The following FARP1 variants were observed in gnomAD, a reference collection of about 807,000 sequenced individuals.
The protein encoded by FARP1 is FERM, ARHGEF and pleckstrin domain-containing protein 1.
In FARP1, 52 loss-of-function variants were observed where a neutral mutation model predicts 128.8. The observed-to-expected ratio is 0.40, with a 90% CI of 0.32 to 0.51. FARP1 has a LOEUF of 0.51. Ranked by LOEUF, FARP1 falls within the 20% of genes least tolerant of loss-of-function variation. The pLI, the probability that FARP1 is intolerant of heterozygous loss-of-function variation, is 0.45. For synonymous variants in FARP1, 580 were observed against 551.8 expected (o/e 1.05, Z -0.72); for missense variants, 1,333 against 1,367.9 (o/e 0.97, Z 0.40).
At chr13:98,446,918 T>A (rs1392491494) in intron 26 of FARP1, 101 bp downstream of exon 26, 1 of 1,282,904 alleles carries the variant, frequency 7.8e-7, no homozygotes, top group Non-Finnish European at 1.1e-6. Context: ...GCCCCACCCT[T>A]CCCTGCCAAC....
chr13:98,235,910 G>A (rs1262162242), intron 2 of FARP1, among the ~76,000 whole-genome samples: 5 of 139,366 alleles, frequency 3.6e-5, no homozygotes, highest in African/African-American at 1.4e-4. Context: ...GGCAACCTCC[G>A]CCTCCTGGGT....
At position 98,343,641 on chromosome 13, in the gene FARP1, C is replaced by T. The variant is rs368353488; in HGVS notation, c.172-121C>T. The T allele has an allele frequency of 2.6e-4, 187 of 709,478 alleles. No homozygotes were observed. In the African/African-American group the frequency reaches 3.0e-3, roughly 11 times the overall value. 43.9% of individuals were successfully genotyped at this position (709,478 alleles called of 1,614,324 possible). ...GCGTTCAGGGTGTCACGGAGGTGGG[C>T]GGTGGCAAGCTCTGAAGGACCTGCA... is the stretch of plus-strand genomic sequence containing the variant. On this transcript the variant is annotated intron_variant, in intron 2 of 26. Coordinates refer to ENST00000319562, the MANE Select transcript of FARP1 (RefSeq NM_005766.4).
chr13:98,430,776 T>C lies in FARP1; in HGVS notation c.1906-267T>C, dbSNP rs550111258. Among the ~76,000 whole-genome samples the C allele has an allele frequency of 2.6e-5, 4 of 152,354 alleles. No homozygotes were observed. The South Asian group carries it at 8.3e-4, about 32-fold the overall frequency. ...TCAATTTTAAAGGAACATTTATACC[T>C]CTGATGTTATATACATAGCTTATAT... On this transcript the variant is annotated intron_variant, in intron 17 of 26. Coordinates refer to ENST00000319562, the MANE Select transcript of FARP1 (RefSeq NM_005766.4).
chr13:98,169,058 A>T (rs963644660), intron 1 of FARP1, among the ~76,000 whole-genome samples: 1 of 151,918 alleles, frequency 6.6e-6, no homozygotes, highest in African/African-American at 2.4e-5. Flanking sequence ...TTCATTTTTT[A>T]AAATTTGTTT....
chr13:98,374,933 G>A (rs945649674), intron 5 of FARP1, among the ~76,000 whole-genome samples: 1 of 152,148 alleles, frequency 6.6e-6, no homozygotes, highest in African/African-American at 2.4e-5. Flanking sequence ...CTCACAGGAA[G>A]TAACAGAGTG....
chr13:98,203,754 G>C (rs1211970170), intron 1 of FARP1: 3 of 152,182 alleles, frequency 2.0e-5, no homozygotes, highest in African/African-American at 7.2e-5. Context: ...GTCCTGGGAA[G>C]ATACCTAGGA....
intron 2 of FARP1, among the ~76,000 whole-genome samples, chr13:98,273,376 C>A (rs1272466409): frequency 6.6e-6 from 1 of 152,124 alleles, no homozygotes; most frequent in Non-Finnish European, 1.5e-5. Flanking sequence ...GTCTGTTTTG[C>A]GAATCTTATG....
At position 98,431,276 on chromosome 13, in the gene FARP1, C is replaced by T. The variant is rs1162831172; in HGVS notation, c.2139C>T (p.Cys713=). The T allele has an allele frequency of 8.2e-6, 13 of 1,583,214 alleles. No individual in the cohort carries two copies. The highest frequency in any genetic ancestry group is 1.3e-5 in the African/African-American group (1 of 74,320). ...HPPSHADFRD[C]RAALAEITEM... ...CGAGCCACGCCGACTTCAGGGACTG[C>T]CGAGGTGAGTGCTGGGAGCCTGCGC... Residue 713 remains cysteine (C), a synonymous_variant, in exon 18 of 27, where the codon TGC becomes TGT. Transcript: ENST00000319562.
At chr13:98,251,909 G>A (rs1182999070) in intron 2 of FARP1, among the ~76,000 whole-genome samples, 5 of 152,108 alleles carry the variant, frequency 3.3e-5, no homozygotes, top group African/African-American at 1.2e-4. Flanking sequence ...GTGCAGTGAC[G>A]CAATCTTGGC....
At chr13:98,162,032 A>C (rs1311378768) in intron 1 of FARP1, among the ~76,000 whole-genome samples, 4 of 151,640 alleles carry the variant, frequency 2.6e-5, no homozygotes, top group Non-Finnish European at 1.5e-5. Context: ...CTCTCCTCTT[A>C]GCCTCCCAAA....
intron 1 of FARP1, among the ~76,000 whole-genome samples, chr13:98,189,262 CTTT>C (rs11440978): frequency 1.4e-5 from 2 of 143,712 alleles, no homozygotes; most frequent in African/African-American, 2.6e-5. Flanking sequence ...GAAATGAGTA[CTTT>C]TTTTTTTTTT....
intron 21 of FARP1, among the ~76,000 whole-genome samples, chr13:98,439,463 A>G (rs1892433102): frequency 6.6e-6 from 1 of 151,840 alleles, no homozygotes; most frequent in Non-Finnish European, 1.5e-5. Flanking sequence ...TCCATTCCTT[A>G]TAGAATCGAG....
intron 8 of FARP1, among the ~76,000 whole-genome samples, chr13:98,386,983 C>G (rs142111166): frequency 6.6e-6 from 1 of 152,098 alleles, no homozygotes; most frequent in Non-Finnish European, 1.5e-5. Flanking sequence ...TTGACCTGCA[C>G]GCATAGCCTC....
chr13:98,200,308 C>T (rs138406151), intron 1 of FARP1, among the ~76,000 whole-genome samples: 16 of 151,914 alleles, frequency 1.1e-4, no homozygotes, highest in Middle Eastern at 3.4e-3. Context: ...CTAATCTTTA[C>T]GGAGACCCTC....
intron 2 of FARP1, chr13:98,329,784 C>A (rs1225188753): frequency 6.6e-6 from 1 of 152,138 alleles, no homozygotes; most frequent in Non-Finnish European, 1.5e-5. Context: ...TTATTTTATT[C>A]ATTCAGCAAA....
intron 17 of FARP1, among the ~76,000 whole-genome samples, chr13:98,426,402 A>T (rs1891790156): frequency 6.6e-6 from 1 of 152,192 alleles, no homozygotes; most frequent in Non-Finnish European, 1.5e-5. Context: ...AGGGGAGAGG[A>T]TCACTTGAGC....
chr13:98,256,352 G>T (rs1856157316), intron 2 of FARP1, among the ~76,000 whole-genome samples: 1 of 152,150 alleles, frequency 6.6e-6, no homozygotes, highest in African/African-American at 2.4e-5. Context: ...ATATATGTGC[G>T]ATGGGGAGAA....
chr13:98,367,517 T>C (rs1889144932), intron 4 of FARP1, among the ~76,000 whole-genome samples: 1 of 151,920 alleles, frequency 6.6e-6, no homozygotes, highest in Non-Finnish European at 1.5e-5. Context: ...TCTGAAAAGT[T>C]GTTCATCTTA....
chr13:98,354,309 A>G (rs1566910655), intron 3 of FARP1, among the ~76,000 whole-genome samples: 3 of 152,182 alleles, frequency 2.0e-5, no homozygotes, highest in African/African-American at 7.2e-5. Context: ...TTCAGTTCAA[A>G]TTTTATTAAA....
Sources: gnomAD v4.1 joint callset for allele counts (sites outside exome capture counted in the v4.1 genomes callset) on GRCh38, gnomAD v4.1.1 for gene constraint, MANE v1.5 for transcripts, NCBI Gene and HGNC (gene_info 2026-07-23, HGNC 2026-07-21) for gene names.